The following TTC1 variants were observed in gnomAD, a reference collection of about 807,000 sequenced individuals.
TTC1 encodes the protein tetratricopeptide repeat domain 1.
Under a neutral mutation model 37.6 loss-of-function variants are expected in TTC1, and 31 were observed. The ratio of observed to expected loss-of-function variants is 0.82; its 90% CI spans 0.62 to 1.11. TTC1 has a LOEUF of 1.11. Among genes scored for constraint, TTC1 ranks in the 50% most tolerant of loss-of-function variants. The probability of loss-of-function intolerance (pLI) is 0.00; values close to 1 mark genes in which losing one functional copy is unlikely to be tolerated. For synonymous variants in TTC1, 127 were observed against 122.4 expected (o/e 1.04, Z -0.25); for missense variants, 351 against 339.0 (o/e 1.04, Z -0.28).
At chr5:160,058,141 A>G (rs1031703051) in intron 7 of TTC1, among the ~76,000 whole-genome samples, 1 of 152,202 alleles carries the variant, frequency 6.6e-6, no homozygotes, top group South Asian at 2.1e-4. Context: ...AGGAGATTCC[A>G]TCTCAAGAAA....
At chr5:160,025,833 C>T (rs1756793828) in intron 2 of TTC1, among the ~76,000 whole-genome samples, 1 of 152,128 alleles carries the variant, frequency 6.6e-6, no homozygotes, top group African/African-American at 2.4e-5. Flanking sequence ...TGGGCTCAAG[C>T]GATTCTCCCA....
chr5:160,043,876 A>G (rs192879520), intron 5 of TTC1, among the ~76,000 whole-genome samples: 229 of 152,264 alleles, frequency 1.5e-3, no homozygotes, highest in African/African-American at 5.0e-3. Context: ...AGCCTTTGCT[A>G]TATGATATCT....
At chr5:160,037,781 G>GTT (rs78532786) in intron 4 of TTC1, among the ~76,000 whole-genome samples, 2 of 144,344 alleles carry the variant, frequency 1.4e-5, no homozygotes, top group African/African-American at 2.5e-5. Context: ...AATGAGAGTG[G>GTT]TTTTTTTTTT....
chr5:160,051,657 A>G (rs528585546), intron 7 of TTC1, among the ~76,000 whole-genome samples: 1 of 152,308 alleles, frequency 6.6e-6, no homozygotes, highest in South Asian at 2.1e-4. Flanking sequence ...TTAGGAGTAA[A>G]GAGAAATCAG....
At chr5:160,064,189 G>A (rs771308283) in intron 7 of TTC1, among the ~76,000 whole-genome samples, 1 of 151,886 alleles carries the variant, frequency 6.6e-6, no homozygotes, top group Non-Finnish European at 1.5e-5. Flanking sequence ...GGCTGGTCTC[G>A]AACTCCTGAC....
chr5:160,017,547 C>T (rs777991351), intron 2 of TTC1, among the ~76,000 whole-genome samples: 10 of 152,324 alleles, frequency 6.6e-5, no homozygotes, highest in Middle Eastern at 3.4e-3. Context: ...TGGAGGGACA[C>T]ATTCAGACCA....
At chr5:160,042,817 T>C (rs1757123686) in intron 4 of TTC1, among the ~76,000 whole-genome samples, 1 of 152,126 alleles carries the variant, frequency 6.6e-6, no homozygotes, top group Admixed American at 6.5e-5. Flanking sequence ...CTGTTTTAGG[T>C]CACAAAGTTT....
chr5:160,043,267 C>G (rs1392536606), intron 5 of TTC1, 98 bp downstream of exon 5: 3 of 1,265,634 alleles, frequency 2.4e-6, no homozygotes, highest in Non-Finnish European at 2.2e-6. Flanking sequence ...GTGTACCCTT[C>G]CTCTGGGGCC....
intron 2 of TTC1, among the ~76,000 whole-genome samples, chr5:160,014,997 G>A (rs534944500): frequency 1.3e-5 from 2 of 152,012 alleles, no homozygotes; most frequent in Non-Finnish European, 2.9e-5. Flanking sequence ...GTATTTTTTT[G>A]TTATTCTTAA....
intron 2 of TTC1, among the ~76,000 whole-genome samples, chr5:160,026,165 A>G (rs1756801065): frequency 6.6e-6 from 1 of 152,198 alleles, no homozygotes; most frequent in African/African-American, 2.4e-5. Flanking sequence ...GACAACCTCA[A>G]TTATTTAGCT....
At chr5:160,045,219 C>T (rs1757183400) in intron 5 of TTC1, among the ~76,000 whole-genome samples, 1 of 152,030 alleles carries the variant, frequency 6.6e-6, no homozygotes, top group Non-Finnish European at 1.5e-5. Flanking sequence ...CCATATGAAA[C>T]AGTTTACTTC....
At chr5:160,010,476 C>A in intron 1 of TTC1, 24 bp from the exon 2 acceptor site, 2 of 1,469,998 alleles carry the variant, frequency 1.4e-6, no homozygotes, top group South Asian at 1.2e-5. Context: ...CATTATATAG[C>A]AGTTTTGTTT....
rs1757569360 is a variant in TTC1 at position 160,057,244 on chromosome 5, A to G, written c.745+6061A>G. Reference sequence around the variant, plus strand: ...TGGTAAGGCTTCTTTCAGCCCTCGAATTTACCCAAGGTCAAATACAGGCGT... The same window carrying G: ...TGGTAAGGCTTCTTTCAGCCCTCGAGTTTACCCAAGGTCAAATACAGGCGT... On this transcript the variant is annotated intron_variant, in intron 7 of 7. Coordinates refer to ENST00000231238, the MANE Select transcript of TTC1 (RefSeq NM_003314.3). The surrounding 1 kb of genome is among the most constrained non-coding windows in gnomAD (Gnocchi z 4.4). Among the ~76,000 whole-genome samples, 1 of 152,146 alleles carries G rather than the reference A, an allele frequency of 6.6e-6. No homozygotes were observed. The highest frequency in any genetic ancestry group is 2.1e-4 in the South Asian group (1 of 4,828).
rs1304260921 is a variant in TTC1 at position 160,064,938 on chromosome 5, T to C, written c.752T>C (p.Leu251Ser). ...ERLKEEMLGK[L>S]KDLGNLVLRP... is the part of the protein sequence containing the mutation. ...TTTTGCTTTTACATTACAGGTAAAT[T>C]AAAAGATCTTGGGAACTTGGTTCTC... The change falls in exon 8 of 8, where the codon TTA becomes TCA. Residue 251 changes from leucine (L) to serine (S), a missense_variant. Physicochemically the swap from Leu to Ser is moderately radical, Grantham distance 145. Coordinates refer to ENST00000231238, the MANE Select transcript of TTC1 (RefSeq NM_003314.3). 6.2e-7 allele frequency: 1 copy of C among 1,606,922 alleles called. No homozygotes were observed. Among genetic ancestry groups the C allele is most frequent in the Non-Finnish European group, 8.5e-7 (1 of 1,178,496 alleles).
At chr5:160,016,411 A>T (rs935756645) in intron 2 of TTC1, among the ~76,000 whole-genome samples, 1 of 152,192 alleles carries the variant, frequency 6.6e-6, no homozygotes, top group African/African-American at 2.4e-5. Context: ...AAATTTTTTT[A>T]AAAAGATGAA....
chr5:160,034,563 T>C (rs751984521), intron 2 of TTC1, among the ~76,000 whole-genome samples: 2 of 152,184 alleles, frequency 1.3e-5, no homozygotes, highest in Admixed American at 6.5e-5. Flanking sequence ...CTTATAAGGA[T>C]TAAAGTACTT....
At chr5:160,048,746 C>G (rs532884050) in intron 5 of TTC1, among the ~76,000 whole-genome samples, 56 of 152,224 alleles carry the variant, frequency 3.7e-4, no homozygotes, top group African/African-American at 1.3e-3. Flanking sequence ...TTCAAATTCT[C>G]TCTCACCTAG....
chr5:160,065,185 C>A lies in TTC1; in HGVS notation c.*120C>A. The A allele has an allele frequency of 7.8e-7, 1 of 1,288,078 alleles. No individual in the cohort carries two copies. Among genetic ancestry groups the A allele is most frequent in the South Asian group, 1.3e-5 (1 of 75,398 alleles). 79.8% of individuals were successfully genotyped at this position (1,288,078 alleles called of 1,614,324 possible). On this transcript the variant is annotated 3_prime_UTR_variant, in exon 8 of 8. Coordinates refer to ENST00000231238, the MANE Select transcript of TTC1 (RefSeq NM_003314.3). ...CATCTTATCTAAAAGAAAGGCTATC[C>A]AGTAGAGCCCAGTGCTCCCTTGTCC...
At chr5:160,064,456 G>A (rs527562842) in intron 7 of TTC1, among the ~76,000 whole-genome samples, 1 of 152,380 alleles carries the variant, frequency 6.6e-6, no homozygotes, top group East Asian at 1.9e-4. Flanking sequence ...TCCAAGCTCA[G>A]TGGAAATGGG....
Sources: allele counts gnomAD v4.1 joint callset (sites outside exome capture counted in the v4.1 genomes callset), GRCh38; gene constraint gnomAD v4.1.1; non-coding constraint Gnocchi (gnomAD v3.1); transcripts MANE v1.5; gene names NCBI Gene and HGNC (gene_info 2026-07-23, HGNC 2026-07-21).